Variants in THEMIS observed in about 807,000 individuals in gnomAD.
THEMIS encodes the protein thymocyte selection associated, also known as protein THEMIS.
Under a neutral mutation model 52.6 loss-of-function variants are expected in THEMIS, and 37 were observed. That is an observed-to-expected ratio of 0.70 (90% CI 0.54 to 0.93). THEMIS has a LOEUF of 0.93. THEMIS is among the 40% of genes least tolerant of loss of function. The pLI is 0.00. For missense variants in THEMIS, 808 were observed against 763.1 expected, an observed-to-expected ratio of 1.06 and a Z score of -0.69; for synonymous variants, 292 against 272.7, an observed-to-expected ratio of 1.07 and a Z score of -0.70.
At chr6:127,764,187 C>T (rs542187710) in intron 4 of THEMIS, among the ~76,000 whole-genome samples, 10 of 151,892 alleles carry the variant, frequency 6.6e-5, no homozygotes, top group South Asian at 2.1e-4. Context: ...CAAACTTTAT[C>T]CCATTTAATA....
rs758396138 is a variant in THEMIS, at chr6:127,743,992, C to T, written c.1759-24169G>A. Reference sequence around the variant, plus strand: ...AAAAAACTGAAATCTGGAAATAAGACTTTTATTAAGTATTGAATAAATGTT... The same window carrying T: ...AAAAAACTGAAATCTGGAAATAAGATTTTTATTAAGTATTGAATAAATGTT... On this transcript the variant is annotated intron_variant, in intron 4 of 5. Transcript: ENST00000368248. Among the ~76,000 whole-genome samples, 5 of 151,930 alleles carry T rather than the reference C, an allele frequency of 3.3e-5. No individual in the cohort carries two copies. The East Asian group carries it at 9.6e-4, about 29-fold the overall frequency.
At chr6:127,803,860 A>G (rs1444061515) in intron 4 of THEMIS, among the ~76,000 whole-genome samples, 1 of 152,210 alleles carries the variant, frequency 6.6e-6, no homozygotes, top group Admixed American at 6.5e-5. Flanking sequence ...TTCCAGAGGT[A>G]TAGTTGAAAA....
chr6:127,703,153 T>C (rs1325494744), downstream of THEMIS, among the ~76,000 whole-genome samples: 1 of 142,700 alleles, frequency 7.0e-6, no homozygotes, highest in East Asian at 2.3e-4. Context: ...GTTCACGCCA[T>C]TCTCCTGCCT....
intron 4 of THEMIS, among the ~76,000 whole-genome samples, chr6:127,747,464 C>A (rs1775489700): frequency 6.8e-6 from 1 of 147,560 alleles, no homozygotes; most frequent in African/African-American, 2.5e-5. Context: ...ATTTATTATG[C>A]CTAGACAATG....
chr6:127,807,863 T>A (rs1212212608), intron 4 of THEMIS, among the ~76,000 whole-genome samples: 1 of 152,218 alleles, frequency 6.6e-6, no homozygotes, highest in Non-Finnish European at 1.5e-5. Flanking sequence ...TCAGCCACTG[T>A]AACTGTCAAA....
intron 1 of THEMIS, among the ~76,000 whole-genome samples, chr6:127,865,398 C>T (rs1278190066): frequency 1.3e-5 from 2 of 152,232 alleles, no homozygotes; most frequent in East Asian, 3.9e-4. Context: ...AAAGTTTGAA[C>T]ACCCAAAGCC....
chr6:127,738,754 T>C (rs962141999), intron 4 of THEMIS, among the ~76,000 whole-genome samples: 4 of 152,192 alleles, frequency 2.6e-5, no homozygotes, highest in Non-Finnish European at 4.4e-5. Context: ...GGTGAATTAA[T>C]CAGTTAAATA....
intron 4 of THEMIS, among the ~76,000 whole-genome samples, chr6:127,791,398 T>C (rs1378004548): frequency 1.3e-5 from 2 of 152,148 alleles, no homozygotes; most frequent in Non-Finnish European, 2.9e-5. Flanking sequence ...CAATGGGTAG[T>C]TCCTTTCTGT....
At chr6:127,766,060 C>G (rs1358368013) in intron 4 of THEMIS, among the ~76,000 whole-genome samples, 2 of 152,148 alleles carry the variant, frequency 1.3e-5, no homozygotes, top group East Asian at 3.9e-4. Flanking sequence ...ATTTAGCACC[C>G]CAAATTCAAA....
At chr6:127,854,084 CTG>C (rs1194551584) in intron 2 of THEMIS, among the ~76,000 whole-genome samples, 4 of 151,788 alleles carry the variant, frequency 2.6e-5, no homozygotes, top group Non-Finnish European at 5.9e-5. Context: ...AGCACACACT[CTG>C]TGCCAGAAAT....
rs994112544 is a variant in THEMIS, at chr6:127,721,322, G to T, written c.1759-1499C>A. ...GCCATTATGTTTTTCTGGTGGTTAT[G>T]CAGCATTGTATGCTGACGGATAACT... On this transcript the variant is annotated intron_variant, in intron 4 of 5. Coordinates refer to ENST00000368248, the MANE Select transcript of THEMIS (RefSeq NM_001010923.3). 2.6e-5 allele frequency among the ~76,000 whole-genome samples: 4 copies of T among 152,028 alleles called. No homozygotes were observed. In the East Asian group the frequency reaches 7.7e-4, roughly 29 times the overall value.
chr6:127,903,320 T>C (rs1781191315), upstream of THEMIS, among the ~76,000 whole-genome samples: 3 of 151,996 alleles, frequency 2.0e-5, no homozygotes, highest in Non-Finnish European at 2.9e-5. Context: ...AGTTCAAGAG[T>C]ACTTGAATCA....
intron 4 of THEMIS, among the ~76,000 whole-genome samples, chr6:127,798,757 G>A (rs1025283396): frequency 6.6e-6 from 1 of 152,042 alleles, no homozygotes; most frequent in African/African-American, 2.4e-5. Flanking sequence ...TTGGGAGGCC[G>A]AGGCGGGCGG....
At chr6:127,914,217 T>C (rs1413438849) in intron 1 of THEMIS, among the ~76,000 whole-genome samples, 1 of 152,194 alleles carries the variant, frequency 6.6e-6, no homozygotes. Flanking sequence ...ATGTTGGTGC[T>C]CAAAAAGTTT....
chr6:127,777,212 A>G (rs1245306820), intron 4 of THEMIS, among the ~76,000 whole-genome samples: 2 of 144,366 alleles, frequency 1.4e-5, no homozygotes, highest in Non-Finnish European at 3.0e-5. Context: ...TGTTTGTTTC[A>G]TTTTTACTTT....
At chr6:127,815,568 T>C (rs771727764) in intron 3 of THEMIS, among the ~76,000 whole-genome samples, 1 of 152,064 alleles carries the variant, frequency 6.6e-6, no homozygotes, top group African/African-American at 2.4e-5. Flanking sequence ...ATCTGCAAAA[T>C]TGTAAAGATT....
At chr6:127,791,549 T>G (rs991407898) in intron 4 of THEMIS, among the ~76,000 whole-genome samples, 2 of 152,124 alleles carry the variant, frequency 1.3e-5, no homozygotes, top group African/African-American at 4.8e-5. Flanking sequence ...TCTCACTCCA[T>G]GGCAGCCCTC....
intron 4 of THEMIS, among the ~76,000 whole-genome samples, chr6:127,757,207 C>A (rs897268782): frequency 5.9e-5 from 9 of 152,116 alleles, no homozygotes; most frequent in Admixed American, 2.0e-4. Flanking sequence ...GTATTAGTCA[C>A]CATCTACAGC....
intron 1 of THEMIS, among the ~76,000 whole-genome samples, chr6:127,871,300 T>C (rs970566255): frequency 6.6e-6 from 1 of 152,000 alleles, no homozygotes; most frequent in Non-Finnish European, 1.5e-5. Flanking sequence ...TACATACACA[T>C]ACACATACAT....
Sources: allele counts gnomAD v4.1 joint callset (sites outside exome capture counted in the v4.1 genomes callset), GRCh38; gene constraint gnomAD v4.1.1; transcripts MANE v1.5; gene names NCBI Gene and HGNC (gene_info 2026-07-23, HGNC 2026-07-21).